PLPPR1: variants seen among roughly 807,000 people sequenced by gnomAD.
PLPPR1 encodes phospholipid phosphatase-related protein type 1.
PLPPR1 carries 10 observed loss-of-function variants against 33.1 expected under a neutral mutation model. That is an observed-to-expected ratio of 0.30 (90% confidence interval 0.19 to 0.51). The LOEUF (loss-of-function observed/expected upper bound fraction) is 0.51. PLPPR1 is among the 20% of genes least tolerant of loss of function. The pLI is 0.97. For missense variants in PLPPR1, 304 were observed against 408.1 expected (o/e 0.74, Z 2.20); for synonymous variants, 151 against 151.0 (o/e 1.00, Z 0.00).
intron 2 of PLPPR1, among the ~76,000 whole-genome samples, chr9:101,248,152 CA>C (rs1827648630): frequency 6.6e-6 from 1 of 151,932 alleles, no homozygotes; most frequent in African/African-American, 2.4e-5. Context: ...TCAAAGATGT[CA>C]AAAATGTGAA....
intron 2 of PLPPR1, among the ~76,000 whole-genome samples, chr9:101,227,148 G>A (rs539214533): frequency 6.6e-6 from 1 of 152,144 alleles, no homozygotes; most frequent in African/African-American, 2.4e-5. Flanking sequence ...CACCTTGAGG[G>A]CCTCTTTGAT....
chr9:101,272,889 A>T (rs138546411), intron 3 of PLPPR1, among the ~76,000 whole-genome samples: 70 of 152,282 alleles, frequency 4.6e-4, no homozygotes, highest in Non-Finnish European at 7.9e-4. Context: ...AGCTTAATAA[A>T]CTTCAGACCC....
At chr9:101,294,727 A>G (rs2118930221) in intron 4 of PLPPR1, among the ~76,000 whole-genome samples, 1 of 152,234 alleles carries the variant, frequency 6.6e-6, no homozygotes, top group African/African-American at 2.4e-5. Flanking sequence ...ATAGATGCAG[A>G]AAAGGCCTTT....
intron 2 of PLPPR1, among the ~76,000 whole-genome samples, chr9:101,247,287 G>T (rs779634646): frequency 1.3e-5 from 2 of 151,940 alleles, no homozygotes; most frequent in Non-Finnish European, 2.9e-5. Flanking sequence ...CTCCACGGAA[G>T]ATTTTTCCAT....
Position 101,189,265 on chromosome 9 carries a change from T to C in PLPPR1, c.63+3708T>C, listed in dbSNP as rs1826254900. Among the ~76,000 whole-genome samples the C allele has an allele frequency of 1.3e-5, 2 of 152,144 alleles. 1 individual carries two copies. Among genetic ancestry groups the C allele is most frequent in the South Asian group, 4.1e-4 (2 of 4,830 alleles). On this transcript the variant is annotated intron_variant, in intron 2 of 7. Coordinates refer to ENST00000374874, the MANE Select transcript of PLPPR1 (RefSeq NM_207299.2). Reference sequence around the variant, plus strand: ...AGAGCTTTCAGGTTATAGGTAGATTTAAAAATTTTCTGATTGGCAATTTGT... The same window carrying C: ...AGAGCTTTCAGGTTATAGGTAGATTCAAAAATTTTCTGATTGGCAATTTGT...
At chr9:101,167,566 T>A (rs1348914292) in intron 1 of PLPPR1, among the ~76,000 whole-genome samples, 1 of 151,996 alleles carries the variant, frequency 6.6e-6, no homozygotes, top group Non-Finnish European at 1.5e-5. Flanking sequence ...ATCTCTTGAG[T>A]CATTAGAAAC....
intron 1 of PLPPR1, among the ~76,000 whole-genome samples, chr9:101,166,343 A>G (rs1039932421): frequency 6.6e-6 from 1 of 152,204 alleles, no homozygotes; most frequent in African/African-American, 2.4e-5. Flanking sequence ...ACCGCATTAT[A>G]GGCTCTGGGG....
chr9:101,310,572 C>T (rs921025051), intron 5 of PLPPR1, among the ~76,000 whole-genome samples: 16 of 152,186 alleles, frequency 1.1e-4, no homozygotes, highest in East Asian at 3.9e-4. Context: ...GGGAAGAAAA[C>T]GGGTCTGTGC....
At chr9:101,283,985 G>A (rs1457436343) in intron 3 of PLPPR1, among the ~76,000 whole-genome samples, 1 of 151,988 alleles carries the variant, frequency 6.6e-6, no homozygotes, top group Non-Finnish European at 1.5e-5. Flanking sequence ...GATAAATATT[G>A]GTGGGAATAT....
At chr9:101,125,906 C>T in intron 1 of PLPPR1, 3 of 388,312 alleles carry the variant, frequency 7.7e-6, no homozygotes, top group South Asian at 4.3e-5. Context: ...TGAACACATT[C>T]AGCCCATATC....
chr9:101,034,828 T>C (rs1003671071), intron 1 of PLPPR1, among the ~76,000 whole-genome samples: 2 of 146,714 alleles, frequency 1.4e-5, no homozygotes, highest in Admixed American at 1.4e-4. Flanking sequence ...GGCGGGGGGG[T>C]TGGTTATAAA....
chr9:101,088,680 T>C (rs1189667717), intron 1 of PLPPR1, among the ~76,000 whole-genome samples: 1 of 152,204 alleles, frequency 6.6e-6, no homozygotes, highest in Admixed American at 6.5e-5. Context: ...TTGAGCTCTA[T>C]ATGAGCAAAA....
At chr9:101,218,656 A>G (rs1412196288) in intron 2 of PLPPR1, among the ~76,000 whole-genome samples, 2 of 152,248 alleles carry the variant, frequency 1.3e-5, no homozygotes, top group African/African-American at 4.8e-5. Context: ...TTAGCAAAGC[A>G]TGGGAAATTA....
intron 4 of PLPPR1, among the ~76,000 whole-genome samples, chr9:101,291,320 A>G (rs1436273892): frequency 1.3e-5 from 2 of 152,364 alleles, no homozygotes; most frequent in Admixed American, 6.5e-5. Context: ...CACAGCTCAC[A>G]GAGGCCTGCC....
intron 1 of PLPPR1, among the ~76,000 whole-genome samples, chr9:101,099,935 T>G (rs1323508048): frequency 6.6e-6 from 1 of 152,096 alleles, no homozygotes; most frequent in African/African-American, 2.4e-5. Context: ...AATAATAAAT[T>G]GCTTCCCAGA....
At chr9:101,233,506 A>G (rs1176434822) in intron 2 of PLPPR1, among the ~76,000 whole-genome samples, 1 of 151,944 alleles carries the variant, frequency 6.6e-6, no homozygotes, top group Non-Finnish European at 1.5e-5. Context: ...TTCAAAATTC[A>G]TAGTGAAATT....
chr9:101,238,065 C>CGT (rs201119127), intron 2 of PLPPR1, among the ~76,000 whole-genome samples: 1 of 125,104 alleles, frequency 8.0e-6, no homozygotes, highest in Non-Finnish European at 1.7e-5. Flanking sequence ...CCTATATATA[C>CGT]GTGTGTGTGT....
chr9:101,094,334 C>G (rs932412571), intron 1 of PLPPR1, among the ~76,000 whole-genome samples: 1 of 152,142 alleles, frequency 6.6e-6, no homozygotes, highest in Non-Finnish European at 1.5e-5. Context: ...GTATTACCCT[C>G]CTGTGCCTTT....
intron 1 of PLPPR1, among the ~76,000 whole-genome samples, chr9:101,126,448 T>C (rs1338638909): frequency 1.3e-5 from 2 of 152,164 alleles, no homozygotes; most frequent in Non-Finnish European, 2.9e-5. Flanking sequence ...GGAATTGTGC[T>C]GCAGAGGTCC....
Sources: allele counts gnomAD v4.1 joint callset (sites outside exome capture counted in the v4.1 genomes callset), GRCh38; gene constraint gnomAD v4.1.1; transcripts MANE v1.5; gene names NCBI Gene and HGNC (gene_info 2026-07-23, HGNC 2026-07-21).